TMEM108: variants seen among roughly 807,000 people sequenced by gnomAD.
The protein encoded by TMEM108 is cancer/testis antigen 124.
In TMEM108, 12 loss-of-function variants were observed where a neutral mutation model predicts 35.1. The observed-to-expected ratio is 0.34, with a 90% CI of 0.22 to 0.55. TMEM108 has a LOEUF of 0.55. Ranked by LOEUF, TMEM108 falls within the 20% of genes least tolerant of loss-of-function variation. The probability of loss-of-function intolerance (pLI) is 0.89; values close to 1 mark genes in which losing one functional copy is unlikely to be tolerated. For missense variants in TMEM108, 680 were observed against 753.3 expected (o/e 0.90, Z 1.14); for synonymous variants, 287 against 308.6 (o/e 0.93, Z 0.73).
chr3:133,146,264 A>G (rs2107762007), intron 2 of TMEM108, among the ~76,000 whole-genome samples: 1 of 152,314 alleles, frequency 6.6e-6, no homozygotes, highest in South Asian at 2.1e-4. Context: ...GATGGATTAC[A>G]TTGATTGATT....
At chr3:133,217,311 A>G (rs553596601) in intron 2 of TMEM108, among the ~76,000 whole-genome samples, 2 of 152,088 alleles carry the variant, frequency 1.3e-5, no homozygotes, top group South Asian at 4.1e-4. Context: ...AGTTCTTTAT[A>G]TATTTTGTAT....
chr3:133,212,494 C>T (rs1382497744), intron 2 of TMEM108, among the ~76,000 whole-genome samples: 1 of 152,046 alleles, frequency 6.6e-6, no homozygotes, highest in Non-Finnish European at 1.5e-5. Context: ...ATCATAAGTT[C>T]AGAGGACAGT....
chr3:133,175,430 G>T (rs987497599), intron 2 of TMEM108, among the ~76,000 whole-genome samples: 1 of 152,096 alleles, frequency 6.6e-6, no homozygotes, highest in Non-Finnish European at 1.5e-5. Context: ...GAGAAAGGTC[G>T]GGTTACCCAC....
At chr3:133,255,980 A>T (rs2107671954) in intron 3 of TMEM108, among the ~76,000 whole-genome samples, 1 of 152,316 alleles carries the variant, frequency 6.6e-6, no homozygotes, top group South Asian at 2.1e-4. Context: ...TGGCTGACAG[A>T]GTGAGTCTCC....
chr3:133,183,738 G>A (rs1160540784), intron 2 of TMEM108, among the ~76,000 whole-genome samples: 1 of 152,260 alleles, frequency 6.6e-6, no homozygotes, highest in East Asian at 1.9e-4. Flanking sequence ...CCTGTGCAAG[G>A]CCCTTCAAGC....
In TMEM108 at chr3:133,122,314, G is replaced by A. The variant is rs555285061; in HGVS notation, c.-47+76294G>A. Among the ~76,000 whole-genome samples, 3 of 152,180 alleles carry A rather than the reference G, an allele frequency of 2.0e-5. No individual in the cohort carries two copies. In the South Asian group the frequency reaches 6.2e-4, roughly 32 times the overall value. ...TCTAATTTTTAATAAAGTTTTTGAG[G>A]TACTAATGTCTAACACATTTAAAGT... On this transcript the variant is annotated intron_variant, in intron 2 of 5. Transcript: ENST00000321871.
At chr3:133,118,129 A>G (rs1004749454) in intron 2 of TMEM108, among the ~76,000 whole-genome samples, 2 of 151,542 alleles carry the variant, frequency 1.3e-5, no homozygotes, top group African/African-American at 4.9e-5. Flanking sequence ...TCTGATTTCT[A>G]GGAGTTGGTA....
chr3:133,066,406 A>C (rs1415816767), intron 2 of TMEM108, among the ~76,000 whole-genome samples: 2 of 152,144 alleles, frequency 1.3e-5, no homozygotes, highest in African/African-American at 2.4e-5. Flanking sequence ...AATAACTTAA[A>C]ATTTAAGAGT....
intron 2 of TMEM108, among the ~76,000 whole-genome samples, chr3:133,225,008 C>T (rs1407898947): frequency 1.3e-5 from 2 of 150,280 alleles, no homozygotes; most frequent in African/African-American, 4.9e-5. Context: ...ACTCCTTTTT[C>T]CTAGCCATAG....
At chr3:133,152,323 T>G (rs1412712601) in intron 2 of TMEM108, among the ~76,000 whole-genome samples, 1 of 152,210 alleles carries the variant, frequency 6.6e-6, no homozygotes, top group African/African-American at 2.4e-5. Context: ...AATATCTGTT[T>G]CTTTGTTTGC....
At chr3:133,074,533 A>G (rs2107692082) in intron 2 of TMEM108, among the ~76,000 whole-genome samples, 1 of 152,332 alleles carries the variant, frequency 6.6e-6, no homozygotes, top group East Asian at 1.9e-4. Context: ...TCTGTTGCCC[A>G]GGCTGGAGTG....
intron 3 of TMEM108, among the ~76,000 whole-genome samples, chr3:133,229,830 T>G (rs1404634811): frequency 2.0e-5 from 3 of 152,230 alleles, no homozygotes; most frequent in Admixed American, 2.0e-4. Context: ...TATGCATAGC[T>G]ATACATGGTT....
At chr3:133,209,275 A>G (rs909227961) in intron 2 of TMEM108, among the ~76,000 whole-genome samples, 1 of 151,858 alleles carries the variant, frequency 6.6e-6, no homozygotes, top group Non-Finnish European at 1.5e-5. Flanking sequence ...TCCGGCCTCA[A>G]GCAGCCTTCC....
intron 2 of TMEM108, among the ~76,000 whole-genome samples, chr3:133,209,594 C>T (rs1945807149): frequency 6.6e-6 from 1 of 152,072 alleles, no homozygotes; most frequent in African/African-American, 2.4e-5. Flanking sequence ...TCCTGGCTTA[C>T]TGCTGTGTAT....
chr3:133,388,883 G>T, intron 4 of TMEM108: 1 of 985,876 alleles, frequency 1.0e-6, no homozygotes, highest in Non-Finnish European at 1.2e-6. Context: ...AGACCCTCAG[G>T]CTGCTGCGAA....
chr3:133,349,085 G>C (rs1028949172), intron 3 of TMEM108, among the ~76,000 whole-genome samples: 3 of 152,110 alleles, frequency 2.0e-5, no homozygotes, highest in African/African-American at 7.2e-5. Flanking sequence ...CAGTGCTCTT[G>C]AGCAAAAGAA....
At chr3:133,317,888 G>T (rs575486288) in intron 3 of TMEM108, among the ~76,000 whole-genome samples, 1 of 152,172 alleles carries the variant, frequency 6.6e-6, no homozygotes, top group Admixed American at 6.5e-5. Flanking sequence ...AGGGATACAT[G>T]CAATGAAAAA....
chr3:133,206,819 T>C lies in TMEM108; in HGVS notation c.-46-22447T>C, dbSNP rs546180085. ...AGGAGGCAGTCTGTCCTTTAGCAGA[T>C]CTTGAGCACTGTGCTGGGAGATCCA... On this transcript the variant is annotated intron_variant, in intron 2 of 5. Transcript: ENST00000321871. Among the ~76,000 whole-genome samples, 45 of 152,296 alleles carry C rather than the reference T, an allele frequency of 3.0e-4. 1 individual carries two copies. The highest frequency in any genetic ancestry group is 1.1e-3 in the African/African-American group (44 of 41,556).
intron 2 of TMEM108, among the ~76,000 whole-genome samples, chr3:133,217,341 C>T (rs1945924064): frequency 6.6e-6 from 1 of 151,868 alleles, no homozygotes; most frequent in Non-Finnish European, 1.5e-5. Flanking sequence ...TTATCATATG[C>T]ACAGTTTTCA....
Sources: gnomAD v4.1 joint callset for allele counts (sites outside exome capture counted in the v4.1 genomes callset) on GRCh38, gnomAD v4.1.1 for gene constraint, MANE v1.5 for transcripts, NCBI Gene and HGNC (gene_info 2026-07-23, HGNC 2026-07-21) for gene names.